NLRP4: variants seen among roughly 807,000 people sequenced by gnomAD.
NLRP4 encodes the protein NLR family pyrin domain containing 4, also known as NACHT, LRR and PYD domains-containing protein 4.
NLRP4 carries 44 observed loss-of-function variants against 84.7 expected under a neutral mutation model. The ratio of observed to expected loss-of-function variants is 0.52; its 90% CI spans 0.41 to 0.67. NLRP4 has a LOEUF of 0.67. Ranked by LOEUF, NLRP4 falls within the 30% of genes least tolerant of loss-of-function variation. The pLI is 0.00. For synonymous variants in NLRP4, 544 were observed against 476.4 expected (o/e 1.14, Z -1.85); for missense variants, 1,260 against 1,219.4 (o/e 1.03, Z -0.50).
intron 2 of NLRP4, among the ~76,000 whole-genome samples, chr19:55,852,818 G>C (rs34207729): frequency 0.026 from 3,902 of 152,266 alleles, 85 homozygotes; most frequent in East Asian, 0.09. Flanking sequence ...TCTCTTAGAC[G>C]TGGTGGTTAC....
At chr19:55,850,098 C>A (rs921786722) in intron 1 of NLRP4, among the ~76,000 whole-genome samples, 2 of 127,512 alleles carry the variant, frequency 1.6e-5, no homozygotes, top group Admixed American at 7.3e-5. Flanking sequence ...TCCGTGGCTG[C>A]GGTGTAATTA....
chr19:55,864,426 A>AT (rs1984876300), intron 5 of NLRP4, among the ~76,000 whole-genome samples: 1 of 152,220 alleles, frequency 6.6e-6, no homozygotes, highest in African/African-American at 2.4e-5. Flanking sequence ...GCTAAATAGT[A>AT]TTCCACTGTG....
chr19:55,864,103 C>T (rs302427), intron 5 of NLRP4, among the ~76,000 whole-genome samples: 56,490 of 151,964 alleles, frequency 0.37, 11,040 homozygotes, highest in East Asian at 0.52. Context: ...TATAACTATG[C>T]TTTAAAATGT....
Position 55,877,047 on chromosome 19 carries a change from T to C in NLRP4, c.2577T>C (p.Ala859=). 1 of 1,614,040 alleles carries C rather than the reference T, an allele frequency of 6.2e-7. No individual in the cohort carries two copies. The highest frequency in any genetic ancestry group is 2.2e-5 in the East Asian group (1 of 44,884). Residue 859 remains alanine, a synonymous_variant, in exon 8 of 10, where the codon GCT becomes GCC. Transcript: ENST00000301295. ...TAAGCEDLAS[A]LISNQNLKIL... ...CTGGCTGTGAAGACCTCGCCTCTGC[T>C]CTCATCAGCAATCAAAACCTGAAGA...
chr19:55,876,134 C>A (rs538911630), intron 7 of NLRP4, among the ~76,000 whole-genome samples: 2 of 152,232 alleles, frequency 1.3e-5, no homozygotes, highest in African/African-American at 4.8e-5. Flanking sequence ...AGCAGACAGA[C>A]CAGAGACACA....
intron 1 of NLRP4, among the ~76,000 whole-genome samples, chr19:55,842,493 C>T (rs1983648374): frequency 1.3e-5 from 2 of 151,782 alleles, no homozygotes; most frequent in South Asian, 4.1e-4. Context: ...TGTCATCTTC[C>T]CAGAGAAGAA....
Position 55,881,518 on chromosome 19 carries a change from TGAGG to T in NLRP4, c.2917_2920del (p.Glu973LysfsTer7), listed in dbSNP as rs1482316795. On this transcript the variant is annotated frameshift_variant, in exon 10 of 10. Transcript: ENST00000301295. LOFTEE classifies it low-confidence loss of function (END_TRUNC). Reference sequence around the variant, plus strand: ...AGGAAACCCAGGCACTTCTGACGGCTGAGGAAGAGAGAAATCCTAACCTGACCAT... The same window carrying T: ...AGGAAACCCAGGCACTTCTGACGGCTAAGAGAGAAATCCTAACCTGACCAT... 1 of 1,610,806 alleles carries T rather than the reference TGAGG, an allele frequency of 6.2e-7. No homozygotes were observed. The highest frequency in any genetic ancestry group is 1.1e-5 in the South Asian group (1 of 91,028).
At chr19:55,845,533 T>C (rs930625571) in intron 1 of NLRP4, among the ~76,000 whole-genome samples, 2 of 152,076 alleles carry the variant, frequency 1.3e-5, no homozygotes, top group African/African-American at 4.8e-5. Flanking sequence ...ATCCTTTGGG[T>C]ATATACCTAA....
chr19:55,849,786 T>G (rs1378597454), intron 1 of NLRP4, among the ~76,000 whole-genome samples: 3 of 145,390 alleles, frequency 2.1e-5, no homozygotes, highest in African/African-American at 5.5e-5. Context: ...GCGGTGTAAT[T>G]TCCAAAGCTG....
rs577037043 is a variant in NLRP4, at chr19:55,858,092, C to T, written c.699C>T (p.Phe233=). The change falls in exon 3 of 10, where the codon TTC becomes TTT. Residue 233 remains phenylalanine (F), a synonymous_variant. Coordinates refer to ENST00000301295, the MANE Select transcript of NLRP4 (RefSeq NM_134444.5). The surrounding 1 kb of genome is among the most constrained non-coding windows in gnomAD (Gnocchi z 4.2). The part of the protein sequence containing the change: ...PERLLFVIDS[F]EELQGGLNEP... ...GACTCTTGTTCGTCATCGACAGCTT[C>T]GAAGAGCTGCAGGGCGGCTTGAACG... The T allele has an allele frequency of 1.5e-5, 25 of 1,614,108 alleles. No homozygotes were observed. Among genetic ancestry groups the T allele is most frequent in the Middle Eastern group, 3.3e-4 (2 of 6,062 alleles).
At position 55,858,353 on chromosome 19, in the gene NLRP4, A is replaced by G; in HGVS notation, c.960A>G (p.Arg320=). The change falls in exon 3 of 10, where the codon AGA becomes AGG. Residue 320 remains arginine (R), a synonymous_variant. Coordinates refer to ENST00000301295, the MANE Select transcript of NLRP4 (RefSeq NM_134444.5). This position sits in a 1 kb window ranked among gnomAD's most constrained non-coding sequence, Gnocchi z 4.2. ...GCTGTTTCTTCAAAGACCCGAAAAG[A>G]GCCATGGAAGCCTTCAATCTTGTAA... is the stretch of plus-strand genomic sequence containing the variant. ...YFCCFFKDPK[R]AMEAFNLVRE... 6.2e-7 allele frequency: 1 copy of G among 1,614,166 alleles called. No individual in the cohort carries two copies. The highest frequency in any genetic ancestry group is 8.5e-7 in the Non-Finnish European group (1 of 1,180,004).
At chr19:55,845,865 G>C in intron 1 of NLRP4, among the ~76,000 whole-genome samples, 1 of 120,448 alleles carries the variant, frequency 8.3e-6, no homozygotes, top group Non-Finnish European at 1.5e-5. Context: ...CCCACTTTTT[G>C]ATGGGGTTGT....
intron 1 of NLRP4, among the ~76,000 whole-genome samples, chr19:55,839,730 CAG>C (rs1287539614): frequency 2.0e-5 from 3 of 152,082 alleles, no homozygotes; most frequent in African/African-American, 4.8e-5. Flanking sequence ...CTACTTTTGA[CAG>C]AGTCTTGTAT....
chr19:55,856,829 G>C (rs1012510700), intron 2 of NLRP4, among the ~76,000 whole-genome samples: 2 of 152,022 alleles, frequency 1.3e-5, no homozygotes, highest in Admixed American at 1.3e-4. Context: ...TGGATTTTTT[G>C]ATTGGCTTTT....
chr19:55,851,639 CGGTGT>C (rs1384678213), intron 1 of NLRP4, among the ~76,000 whole-genome samples: 36 of 133,204 alleles, frequency 2.7e-4, no homozygotes, highest in Admixed American at 2.3e-4. Flanking sequence ...TCCGAGGCTG[CGGTGT>C]AATGTCCGAG....
chr19:55,847,037 G>A (rs921022673), intron 1 of NLRP4, among the ~76,000 whole-genome samples: 2 of 152,168 alleles, frequency 1.3e-5, no homozygotes, highest in African/African-American at 4.8e-5. Flanking sequence ...AGATTCTCAT[G>A]CCTCAGCCTC....
chr19:55,875,916 A>G (rs1807830180), intron 7 of NLRP4, among the ~76,000 whole-genome samples: 1 of 152,056 alleles, frequency 6.6e-6, no homozygotes. Flanking sequence ...GGATGCCTGT[A>G]ATACCAGCTA....
intron 5 of NLRP4, among the ~76,000 whole-genome samples, chr19:55,866,323 C>T (rs544146714): frequency 3.3e-5 from 5 of 152,314 alleles, no homozygotes; most frequent in South Asian, 4.2e-4. Flanking sequence ...TGAGCCACCA[C>T]GCCCGGCCGC....
chr19:55,875,465 A>C (rs189414077), intron 7 of NLRP4, among the ~76,000 whole-genome samples: 4 of 152,338 alleles, frequency 2.6e-5, no homozygotes, highest in Admixed American at 2.6e-4. Context: ...GTAACATAAA[A>C]AAGAAATTAC....
Sources: gnomAD v4.1 joint callset for allele counts (sites outside exome capture counted in the v4.1 genomes callset) on GRCh38, gnomAD v4.1.1 for gene constraint, Gnocchi (gnomAD v3.1) non-coding constraint, MANE v1.5 for transcripts, NCBI Gene and HGNC (gene_info 2026-07-23, HGNC 2026-07-21) for gene names.